Variants in NXPE4 observed in about 807,000 individuals in gnomAD.
NXPE4 encodes NXPE family member 4.
A neutral mutation model predicts 33.3 loss-of-function variants in NXPE4; 42 were observed. The ratio of observed to expected loss-of-function variants is 1.26; its 90% CI spans 0.98 to 1.63. The LOEUF is 1.63. Ranked by LOEUF, NXPE4 falls within the 40% of genes most tolerant of loss-of-function variation. The pLI, the probability that NXPE4 is intolerant of heterozygous loss-of-function variation, is 0.00. For missense variants in NXPE4, 709 were observed against 647.6 expected (o/e 1.09, Z -1.03); for synonymous variants, 253 against 234.9 (o/e 1.08, Z -0.71).
the NXPE4 span, among the ~76,000 whole-genome samples, chr11:114,630,379 A>T: frequency 2.0e-5 from 3 of 151,822 alleles, no homozygotes; most frequent in Admixed American, 1.3e-4. Context: ...CATTTCTACA[A>T]CTATCTGATC....
chr11:114,582,394 A>G lies in NXPE4; in HGVS notation c.724T>C (p.Tyr242His), dbSNP rs1373560273. 2 of 1,614,096 alleles carry G rather than the reference A, an allele frequency of 1.2e-6. No homozygotes were observed. Among genetic ancestry groups the G allele is most frequent in the South Asian group, 2.2e-5 (2 of 91,092 alleles). ...YLDNRDQEGF[Y>H]CVRPQHMPCA... ...GGCATGTGTTGAGGCCTCACACAGTAGAAGCCTTCTTGGTCTCTGTTGTCC... is the reference window on the plus strand; with the variant it reads ...GGCATGTGTTGAGGCCTCACACAGTGGAAGCCTTCTTGGTCTCTGTTGTCC... Residue 242 changes from tyrosine (Y) to histidine (H), a missense_variant, in exon 3 of 6, where the codon TAC becomes CAC. Transcript: ENST00000375478.
the NXPE4 span, among the ~76,000 whole-genome samples, chr11:114,660,564 T>C: frequency 6.6e-6 from 1 of 152,038 alleles, no homozygotes; most frequent in East Asian, 1.9e-4. Flanking sequence ...AATTCAGCAT[T>C]CTTCATAATG....
the NXPE4 span, among the ~76,000 whole-genome samples, chr11:114,621,437 G>T: frequency 6.6e-6 from 1 of 151,896 alleles, no homozygotes; most frequent in African/African-American, 2.4e-5. Flanking sequence ...TGCCTCTAAG[G>T]TAATCACTGT....
At chr11:114,657,943 T>C in the NXPE4 span, among the ~76,000 whole-genome samples, 6 of 152,226 alleles carry the variant, frequency 3.9e-5, no homozygotes, top group Non-Finnish European at 1.5e-5. Context: ...AGTCATAGAC[T>C]ATTAATGCCA....
chr11:114,621,159 A>C, the NXPE4 span, among the ~76,000 whole-genome samples: 1 of 150,812 alleles, frequency 6.6e-6, no homozygotes, highest in African/African-American at 2.4e-5. Context: ...ACTGTTACCC[A>C]GTGGATAATT....
intron 2 of NXPE4, among the ~76,000 whole-genome samples, chr11:114,589,245 C>T (rs1949383998): frequency 6.6e-6 from 1 of 152,086 alleles, no homozygotes; most frequent in Non-Finnish European, 1.5e-5. Context: ...AAAGATGGTC[C>T]AGCAGGACTG....
chr11:114,633,894 G>T, the NXPE4 span, among the ~76,000 whole-genome samples: 2 of 151,768 alleles, frequency 1.3e-5, no homozygotes, highest in Non-Finnish European at 2.9e-5. Context: ...TTCCAAGTCT[G>T]CTATTGTGAG....
At chr11:114,612,934 A>G in the NXPE4 span, among the ~76,000 whole-genome samples, 4 of 151,878 alleles carry the variant, frequency 2.6e-5, no homozygotes, top group African/African-American at 9.7e-5. Context: ...GTTGCATCGC[A>G]TGTATCCACT....
chr11:114,580,040 A>G, intron 5 of NXPE4, 92 bp downstream of exon 5: 1 of 1,133,044 alleles, frequency 8.8e-7, no homozygotes, highest in South Asian at 1.4e-5. Context: ...GAATATGAAA[A>G]AAAGAGGAAT....
chr11:114,643,910 C>A, the NXPE4 span, among the ~76,000 whole-genome samples: 1 of 152,026 alleles, frequency 6.6e-6, no homozygotes, highest in South Asian at 2.1e-4. Context: ...GAGTGTTTTT[C>A]CATTTTTTTG....
At chr11:114,640,272 T>C in the NXPE4 span, among the ~76,000 whole-genome samples, 12 of 143,802 alleles carry the variant, frequency 8.3e-5, no homozygotes, top group Non-Finnish European at 1.5e-4. Context: ...GTATATAATA[T>C]ATAATACATT....
chr11:114,597,613 T>C (rs1368837797), upstream of NXPE4, among the ~76,000 whole-genome samples: 1 of 152,116 alleles, frequency 6.6e-6, no homozygotes, highest in Non-Finnish European at 1.5e-5. Context: ...GCCTAGACCT[T>C]GGTTTCTTAA....
the NXPE4 span, among the ~76,000 whole-genome samples, chr11:114,651,494 A>C: frequency 1.3e-5 from 2 of 152,180 alleles, no homozygotes; most frequent in East Asian, 3.9e-4. Context: ...TATTGCAAAG[A>C]GCAAAAGAAC....
At chr11:114,602,497 C>A in the NXPE4 span, among the ~76,000 whole-genome samples, 1 of 132,720 alleles carries the variant, frequency 7.5e-6, no homozygotes, top group Admixed American at 8.3e-5. Context: ...ATATATTATC[C>A]CATATGTAAA....
At chr11:114,600,983 T>C in the NXPE4 span, among the ~76,000 whole-genome samples, 2 of 152,002 alleles carry the variant, frequency 1.3e-5, no homozygotes, top group East Asian at 1.9e-4. Context: ...ATTTGCCAAA[T>C]AGTCCATCAT....
chr11:114,582,650 AGTCACCTTTCCTGAAGCACC>A lies in NXPE4; in HGVS notation c.448_467del (p.Gly150Ter). The A allele has an allele frequency of 6.2e-7, 1 of 1,614,160 alleles. No individual in the cohort carries two copies. Among genetic ancestry groups the A allele is most frequent in the Non-Finnish European group, 8.5e-7 (1 of 1,180,020 alleles). On this transcript the variant is annotated frameshift_variant, in exon 3 of 6. Transcript: ENST00000375478. LOFTEE classifies it high-confidence loss of function. ...CCAGGTAGGTGCCGTTGTTGAAGTC[AGTCACCTTTCCTGAAGCACC>A]TGCCATCAGCGCTGGGGAAGACATC...
intron 2 of NXPE4, chr11:114,583,706 T>C: frequency 1.8e-6 from 1 of 568,198 alleles, no homozygotes; most frequent in Non-Finnish European, 3.5e-6. Context: ...TGGCTTCTGT[T>C]ATGTTAATGA....
chr11:114,628,756 A>C, the NXPE4 span, among the ~76,000 whole-genome samples: 1 of 151,894 alleles, frequency 6.6e-6, no homozygotes, highest in Non-Finnish European at 1.5e-5. Flanking sequence ...AAGGATCAAC[A>C]AAATTGATAG....
intron 2 of NXPE4, among the ~76,000 whole-genome samples, chr11:114,589,506 T>C (rs1403028126): frequency 6.6e-6 from 1 of 152,172 alleles, no homozygotes; most frequent in African/African-American, 2.4e-5. Flanking sequence ...ATTATTTACA[T>C]GTGCCTTTTA....
Sources: allele counts gnomAD v4.1 joint callset (sites outside exome capture counted in the v4.1 genomes callset), GRCh38; gene constraint gnomAD v4.1.1; transcripts MANE v1.5; gene names NCBI Gene and HGNC (gene_info 2026-07-23, HGNC 2026-07-21).